The following SH3RF3 variants were observed in gnomAD, a reference collection of about 807,000 sequenced individuals.
SH3RF3 encodes E3 ubiquitin-protein ligase SH3RF3.
Under a neutral mutation model 66.3 loss-of-function variants are expected in SH3RF3, and 29 were observed. The ratio of observed to expected loss-of-function variants is 0.44; its 90% CI spans 0.33 to 0.60. The LOEUF is 0.60. Ranked by LOEUF, SH3RF3 falls within the 20% of genes least tolerant of loss-of-function variation. The pLI is 0.04. For missense variants in SH3RF3, 1,194 were observed against 1,190.9 expected, an observed-to-expected ratio of 1.00 and a Z score of -0.04; for synonymous variants, 583 against 532.0, an observed-to-expected ratio of 1.10 and a Z score of -1.32.
At chr2:109,199,014 A>G (rs11123727) in intron 1 of SH3RF3, among the ~76,000 whole-genome samples, 123,558 of 152,100 alleles carry the variant, frequency 0.81, 50,337 homozygotes, top group East Asian at 0.89. Context: ...CTGTATTTAC[A>G]TGGTGGCCTT....
At chr2:109,424,460 G>A (rs1416006485) in intron 5 of SH3RF3, among the ~76,000 whole-genome samples, 3 of 146,478 alleles carry the variant, frequency 2.0e-5, no homozygotes, top group Admixed American at 6.8e-5. Flanking sequence ...TCACTTTGTT[G>A]TGCCTCACAG....
intron 4 of SH3RF3, 61 bp downstream of exon 4, chr2:109,399,004 C>T (rs991325046): frequency 1.7e-5 from 26 of 1,488,104 alleles, no homozygotes; most frequent in African/African-American, 9.7e-5. Flanking sequence ...TCCTCAGCTC[C>T]GTGTTCAGTG....
intron 8 of SH3RF3, among the ~76,000 whole-genome samples, chr2:109,478,413 C>T (rs1678744552): frequency 6.6e-6 from 1 of 152,214 alleles, no homozygotes; most frequent in Non-Finnish European, 1.5e-5. Flanking sequence ...CTAAACACCC[C>T]ATCAGTGTGA....
At chr2:109,141,902 A>G (rs1403073086) in intron 1 of SH3RF3, among the ~76,000 whole-genome samples, 1 of 151,556 alleles carries the variant, frequency 6.6e-6, no homozygotes, top group Non-Finnish European at 1.5e-5. Flanking sequence ...TGCTTCTCCT[A>G]CCTCCTGCAA....
intron 3 of SH3RF3, among the ~76,000 whole-genome samples, chr2:109,386,596 T>C (rs1675830901): frequency 6.6e-6 from 1 of 152,158 alleles, no homozygotes. Context: ...GTGTTTCTGC[T>C]TCCCTTCTGT....
At chr2:109,247,431 C>T (rs574992216) in intron 1 of SH3RF3, among the ~76,000 whole-genome samples, 46 of 152,370 alleles carry the variant, frequency 3.0e-4, no homozygotes, top group African/African-American at 9.1e-4. Context: ...GATCCCTGAA[C>T]GTCACGGCTC....
chr2:109,318,837 C>G (rs574761847), intron 1 of SH3RF3, among the ~76,000 whole-genome samples: 27 of 152,336 alleles, frequency 1.8e-4, no homozygotes, highest in African/African-American at 5.5e-4. Context: ...CAGACATTGG[C>G]TTGGAGAAGA....
At chr2:109,195,878 C>T (rs974801112) in intron 1 of SH3RF3, among the ~76,000 whole-genome samples, 7 of 152,148 alleles carry the variant, frequency 4.6e-5, no homozygotes, top group African/African-American at 1.4e-4. Flanking sequence ...GAAGGTCTCT[C>T]GAATTTCCCT....
chr2:109,159,605 ACTGATACCAGTCTGTGCC>A (rs1386754930), intron 1 of SH3RF3, among the ~76,000 whole-genome samples: 1 of 152,170 alleles, frequency 6.6e-6, no homozygotes, highest in Non-Finnish European at 1.5e-5. Flanking sequence ...TGGGCCATGG[ACTGATACCAGTCTGTGCC>A]CTGTTAGGAA....
intron 1 of SH3RF3, among the ~76,000 whole-genome samples, chr2:109,145,232 C>T (rs998546487): frequency 3.3e-5 from 5 of 152,114 alleles, no homozygotes; most frequent in South Asian, 2.1e-4. Context: ...TTCCTGACCA[C>T]GGTCTCCCCA....
intron 1 of SH3RF3, among the ~76,000 whole-genome samples, chr2:109,252,254 G>GA (rs57575966): frequency 0.65 from 93,888 of 144,446 alleles, 30,420 homozygotes; most frequent in East Asian, 0.89. Context: ...TCTCAGAGGA[G>GA]AAAAAAAAAA....
At chr2:109,341,645 G>T (rs1682555392) in intron 1 of SH3RF3, among the ~76,000 whole-genome samples, 2 of 152,140 alleles carry the variant, frequency 1.3e-5, no homozygotes, top group Non-Finnish European at 2.9e-5. Flanking sequence ...GTTCTGCAAG[G>T]TCACCCCAAG....
intron 1 of SH3RF3, among the ~76,000 whole-genome samples, chr2:109,182,364 C>G (rs373785900): frequency 6.6e-6 from 1 of 152,188 alleles, no homozygotes; most frequent in East Asian, 1.9e-4. Flanking sequence ...CATTAACCCA[C>G]TTAGGAAGGT....
chr2:109,150,542 G>T (rs570962405), intron 1 of SH3RF3, among the ~76,000 whole-genome samples: 52 of 152,332 alleles, frequency 3.4e-4, no homozygotes, highest in African/African-American at 1.2e-3. Flanking sequence ...AGTGGGACAG[G>T]TATAGATAGG....
chr2:109,416,440 A>C (rs1229381413), intron 4 of SH3RF3, among the ~76,000 whole-genome samples: 1 of 152,150 alleles, frequency 6.6e-6, no homozygotes, highest in Non-Finnish European at 1.5e-5. Flanking sequence ...TCTACTAAAA[A>C]TACAAAATAT....
chr2:109,234,099 T>G (rs1376931986), intron 1 of SH3RF3, among the ~76,000 whole-genome samples: 1 of 152,236 alleles, frequency 6.6e-6, no homozygotes, highest in Non-Finnish European at 1.5e-5. Flanking sequence ...GATCATAAGG[T>G]GAATGTGTGT....
rs1573222830 is a variant in SH3RF3 at position 109,401,609 on chromosome 2, G to A, written c.1299+2666G>A. The stretch of plus-strand genomic sequence containing the variant: ...GAGTTCTAAAAAAGGAGCCCACAGG[G>A]CCCATGACTTTGCAAAGCTGCTGCT... On this transcript the variant is annotated intron_variant, in intron 4 of 9. Transcript: ENST00000309415. 2.6e-5 allele frequency among the ~76,000 whole-genome samples: 4 copies of A among 152,296 alleles called. No individual in the cohort carries two copies. In the South Asian group the frequency reaches 8.3e-4, roughly 32 times the overall value.
chr2:109,442,892 C>T (rs1263329868), intron 7 of SH3RF3, among the ~76,000 whole-genome samples: 1 of 152,138 alleles, frequency 6.6e-6, no homozygotes, highest in South Asian at 2.1e-4. Context: ...CTAAATAACC[C>T]TAAATATAAT....
chr2:109,235,348 G>C (rs1679622029), intron 1 of SH3RF3, among the ~76,000 whole-genome samples: 1 of 152,128 alleles, frequency 6.6e-6, no homozygotes, highest in Non-Finnish European at 1.5e-5. Context: ...GGATCTCTAA[G>C]GGCCACTAAA....
Sources: gnomAD v4.1 joint callset for allele counts (sites outside exome capture counted in the v4.1 genomes callset) on GRCh38, gnomAD v4.1.1 for gene constraint, MANE v1.5 for transcripts, NCBI Gene and HGNC (gene_info 2026-07-23, HGNC 2026-07-21) for gene names.